NOL10: variants seen among roughly 807,000 people sequenced by gnomAD.
NOL10 encodes the protein H_NH0074G24.1.
In NOL10, 58 loss-of-function variants were observed where a neutral mutation model predicts 103.5. The ratio of observed to expected loss-of-function variants is 0.56; its 90% CI spans 0.45 to 0.70. The LOEUF (loss-of-function observed/expected upper bound fraction) is 0.70. Ranked by LOEUF, NOL10 falls within the 30% of genes least tolerant of loss-of-function variation. The pLI, the probability that NOL10 is intolerant of heterozygous loss-of-function variation, is 0.00. For missense variants in NOL10, 763 were observed against 807.3 expected (o/e 0.95, Z 0.67); for synonymous variants, 287 against 282.5 (o/e 1.02, Z -0.16).
intron 20 of NOL10, among the ~76,000 whole-genome samples, chr2:10,577,060 A>ACG (rs1558263377): frequency 6.6e-6 from 1 of 151,818 alleles, no homozygotes; most frequent in African/African-American, 2.4e-5. Flanking sequence ...TCCTCCTACA[A>ACG]TGTGACAGGT....
At chr2:10,608,262 T>C (rs891420294) in intron 13 of NOL10, among the ~76,000 whole-genome samples, 1 of 152,186 alleles carries the variant, frequency 6.6e-6, no homozygotes, top group Non-Finnish European at 1.5e-5. Flanking sequence ...GTTATCCCAA[T>C]GAAAGGCTGA....
intron 13 of NOL10, among the ~76,000 whole-genome samples, chr2:10,629,497 AT>A (rs1157735241): frequency 2.0e-5 from 3 of 152,204 alleles, no homozygotes; most frequent in Non-Finnish European, 4.4e-5. Context: ...CAAAATGTTA[AT>A]GTTTGTCTTT....
chr2:10,669,382 C>G (rs1176988856), intron 6 of NOL10, among the ~76,000 whole-genome samples: 1 of 150,302 alleles, frequency 6.7e-6, no homozygotes, highest in African/African-American at 2.4e-5. Flanking sequence ...AGCCACCATG[C>G]CCAGCCTGAA....
chr2:10,672,286 C>T (rs1405311933), intron 5 of NOL10, among the ~76,000 whole-genome samples: 2 of 152,032 alleles, frequency 1.3e-5, no homozygotes, highest in African/African-American at 2.4e-5. Flanking sequence ...GAGATTGTGC[C>T]GTTGAACTCC....
chr2:10,578,084 A>T (rs1231170385), intron 19 of NOL10, among the ~76,000 whole-genome samples: 1 of 152,220 alleles, frequency 6.6e-6, no homozygotes, highest in African/African-American at 2.4e-5. Context: ...CCTGTAATTG[A>T]TCATAATGGT....
intron 13 of NOL10, among the ~76,000 whole-genome samples, chr2:10,607,754 TTA>T (rs1676335494): frequency 1.3e-5 from 2 of 148,872 alleles, no homozygotes; most frequent in East Asian, 1.9e-4. Flanking sequence ...ACAATATTTA[TTA>T]TTATTATTAT....
At chr2:10,631,095 A>G (rs1396553926) in intron 13 of NOL10, among the ~76,000 whole-genome samples, 1 of 152,190 alleles carries the variant, frequency 6.6e-6, no homozygotes, top group Non-Finnish European at 1.5e-5. Context: ...TGAAAGTGTG[A>G]TCTATCATTT....
In NOL10 at chr2:10,570,759, G is replaced by T. The variant is rs535112626; in HGVS notation, c.*1312C>A. The T allele has an allele frequency of 1.3e-5, 2 of 151,846 alleles. No individual in the cohort carries two copies. The highest frequency in any genetic ancestry group is 4.2e-4 in the South Asian group (2 of 4,814). 9.4% of individuals were successfully genotyped at this position (151,846 alleles called of 1,614,324 possible). A position where few individuals can be genotyped will look rare whatever the true frequency, so the allele number is the denominator to read the frequency against. Reference sequence around the variant, plus strand: ...AAATTTTCTTGGAGTCTTTCTCAAAGAAGCTATTCAAATGAAAGTATATTT... The same window carrying T: ...AAATTTTCTTGGAGTCTTTCTCAAATAAGCTATTCAAATGAAAGTATATTT... On this transcript the variant is annotated 3_prime_UTR_variant, in exon 21 of 21. Coordinates refer to ENST00000381685, the MANE Select transcript of NOL10 (RefSeq NM_024894.4).
chr2:10,648,842 A>G (rs1679264401), intron 12 of NOL10, among the ~76,000 whole-genome samples: 1 of 152,182 alleles, frequency 6.6e-6, no homozygotes, highest in Admixed American at 6.5e-5. Context: ...AGTCAACGTC[A>G]TGGAGAAGAA....
In NOL10 at chr2:10,589,159, C is replaced by G; in HGVS notation, c.1728G>C (p.Arg576=). The G allele has an allele frequency of 6.2e-7, 1 of 1,614,012 alleles. No homozygotes were observed. Among genetic ancestry groups the G allele is most frequent in the Admixed American group, 1.7e-5 (1 of 60,028 alleles). ...GCTGGTCCTCCTTGAGTCGTTCCTG[C>G]CGCTTCACTTTTTCCTCCTGCTGGA... ...RLLQQEEKVK[R]QERLKEDQQT... The change falls in exon 19 of 21, where the codon CGG becomes CGC. Residue 576 remains arginine, a synonymous_variant. Transcript: ENST00000381685.
intron 3 of NOL10, among the ~76,000 whole-genome samples, chr2:10,680,727 T>C (rs1278128455): frequency 6.6e-6 from 1 of 152,170 alleles, no homozygotes; most frequent in African/African-American, 2.4e-5. Flanking sequence ...CCTGTGTATG[T>C]ATAAAAGGTA....
chr2:10,610,382 G>C (rs1676503761), intron 13 of NOL10, among the ~76,000 whole-genome samples: 1 of 152,144 alleles, frequency 6.6e-6, no homozygotes, highest in Admixed American at 6.5e-5. Flanking sequence ...GGTTTAAATT[G>C]CCTGTCAGGG....
chr2:10,651,170 G>A (rs180857811), intron 12 of NOL10, among the ~76,000 whole-genome samples: 82 of 152,248 alleles, frequency 5.4e-4, no homozygotes, highest in African/African-American at 1.5e-3. Context: ...CACAGCCTGC[G>A]GGGGCCAACA....
intron 13 of NOL10, among the ~76,000 whole-genome samples, chr2:10,639,574 C>T (rs1558312648): frequency 6.6e-6 from 1 of 152,120 alleles, no homozygotes; most frequent in African/African-American, 2.4e-5. Flanking sequence ...GCTAGGGGCT[C>T]GGAATTCAGG....
At chr2:10,587,827 C>A (rs901167283) in intron 19 of NOL10, among the ~76,000 whole-genome samples, 1 of 152,132 alleles carries the variant, frequency 6.6e-6, no homozygotes, top group African/African-American at 2.4e-5. Flanking sequence ...TCACTGATGT[C>A]CTCCCCACCC....
chr2:10,685,492 C>A (rs1481123365), intron 1 of NOL10, among the ~76,000 whole-genome samples: 108 of 8,622 alleles, frequency 0.013, 22 homozygotes, highest in African/African-American at 0.032. Context: ...ACTCCGTCCC[C>A]CCCCCCCCCC....
chr2:10,667,140 AGC>A, intron 8 of NOL10, 76 bp downstream of exon 8: 1 of 1,033,872 alleles, frequency 9.7e-7, no homozygotes, highest in Non-Finnish European at 1.5e-6. Context: ...TAAGGAATCA[AGC>A]AACTCAGTCT....
intron 14 of NOL10, among the ~76,000 whole-genome samples, chr2:10,606,454 G>GT (rs2148192089): frequency 6.6e-6 from 1 of 151,920 alleles, no homozygotes; most frequent in South Asian, 2.1e-4. Flanking sequence ...GTGAAACCCC[G>GT]TCTTACCATG....
intron 1 of NOL10, among the ~76,000 whole-genome samples, chr2:10,686,203 G>A (rs1406838198): frequency 6.6e-6 from 1 of 152,196 alleles, no homozygotes; most frequent in Non-Finnish European, 1.5e-5. Flanking sequence ...AGCAAGAAAA[G>A]GAGACGAAGT....
Sources: allele counts gnomAD v4.1 joint callset (sites outside exome capture counted in the v4.1 genomes callset), GRCh38; gene constraint gnomAD v4.1.1; transcripts MANE v1.5; gene names NCBI Gene and HGNC (gene_info 2026-07-23, HGNC 2026-07-21).